Variants in RASEF observed in about 807,000 individuals in gnomAD.
The protein encoded by RASEF is ras and EF-hand domain-containing protein.
RASEF carries 68 observed loss-of-function variants against 90.1 expected under a neutral mutation model. The observed-to-expected ratio is 0.75, with a 90% CI of 0.62 to 0.92. The LOEUF is 0.92. Among genes scored for constraint, RASEF ranks in the 40% least tolerant of loss-of-function variants. The pLI is 0.00. For synonymous variants in RASEF, 331 were observed against 345.2 expected (o/e 0.96, Z 0.46); for missense variants, 949 against 937.2 (o/e 1.01, Z -0.16).
At chr9:83,127,604 GGCGGGAACA>G in the RASEF span, among the ~76,000 whole-genome samples, 1 of 152,168 alleles carries the variant, frequency 6.6e-6, no homozygotes, top group African/African-American at 2.4e-5. Context: ...AAAAAGAAAT[GGCGGGAACA>G]AAAACAAAAC....
In RASEF at chr9:82,997,135, G is replaced by C. The variant is rs781380395; in HGVS notation, c.1806-9C>G. 2 of 1,530,968 alleles carry C rather than the reference G, an allele frequency of 1.3e-6. No homozygotes were observed. Among genetic ancestry groups the C allele is most frequent in the Non-Finnish European group, 9.1e-7 (1 of 1,104,446 alleles). The allele number at this position is 1,530,968 out of a possible 1,614,324, so 94.8% of individuals were successfully genotyped here. A position where few individuals can be genotyped will look rare whatever the true frequency, so the allele number is the denominator to read the frequency against. The stretch of plus-strand genomic sequence containing the variant: ...TGGCAATACTTCTGAATCTGAGAAA[G>C]AGAAAACCACATCATCAGTCAGTTT... On this transcript the variant is annotated splice_polypyrimidine_tract_variant and intron_variant, in intron 13 of 16. Transcript: ENST00000376447.
chr9:83,116,907 A>T, the RASEF span, among the ~76,000 whole-genome samples: 2 of 152,194 alleles, frequency 1.3e-5, no homozygotes, highest in African/African-American at 2.4e-5. Context: ...ACTTTCGTTC[A>T]TCTAGCAGAA....
the RASEF span, among the ~76,000 whole-genome samples, chr9:83,188,387 T>C: frequency 2.6e-5 from 4 of 152,244 alleles, no homozygotes; most frequent in African/African-American, 9.6e-5. Flanking sequence ...ATTTCAAATA[T>C]TGTTTTGTCT....
the RASEF span, among the ~76,000 whole-genome samples, chr9:83,093,607 G>A: frequency 6.6e-6 from 1 of 152,318 alleles, no homozygotes; most frequent in African/African-American, 2.4e-5. Flanking sequence ...CGAGTGTGGG[G>A]CCCGCCAAGC....
the RASEF span, among the ~76,000 whole-genome samples, chr9:83,191,383 T>C: frequency 6.6e-6 from 1 of 152,184 alleles, no homozygotes. Flanking sequence ...CCAATTACAA[T>C]GCCCTAAGGA....
At chr9:83,089,892 TGATAGATAGATAGATAGATA>T in the RASEF span, among the ~76,000 whole-genome samples, 1,179 of 145,072 alleles carry the variant, frequency 8.1e-3, 7 homozygotes, top group South Asian at 0.018. Flanking sequence ...TATAGATAGA[TGATAGATAGATAGATAGATA>T]GATAGATAGA....
In RASEF at chr9:83,062,764, G is replaced by A; in HGVS notation, c.104C>T (p.Ala35Val). 6.4e-7 allele frequency: 1 copy of A among 1,562,508 alleles called. No individual in the cohort carries two copies. The highest frequency in any genetic ancestry group is 8.6e-7 in the Non-Finnish European group (1 of 1,163,522). The change falls in exon 1 of 17, where the codon GCA becomes GTA. Residue 35 changes from alanine to valine, a missense_variant. Ala to Val is a moderately conservative substitution (Grantham distance 64). Transcript: ENST00000376447. Reference protein sequence around the residue: ...SGRLEREEFRALCTELRVRPA... With the variant: ...SGRLEREEFRVLCTELRVRPA... The stretch of plus-strand genomic sequence containing the variant: ...CCGCACCCGCAGCTCCGTGCACAGT[G>A]CCCGGAACTCCTCGCGCTCCAGGCG...
At chr9:82,983,706 T>C (rs922319393) in intron 16 of RASEF, among the ~76,000 whole-genome samples, 7 of 152,222 alleles carry the variant, frequency 4.6e-5, no homozygotes, top group African/African-American at 1.7e-4. Flanking sequence ...AATGGTATTC[T>C]GTGGCTTCTA....
chr9:83,180,894 T>A, the RASEF span, among the ~76,000 whole-genome samples: 1 of 151,766 alleles, frequency 6.6e-6, no homozygotes, highest in Non-Finnish European at 1.5e-5. Flanking sequence ...TTAAAAAAAA[T>A]TAAAGTATGC....
the RASEF span, among the ~76,000 whole-genome samples, chr9:83,185,643 C>T: frequency 2.0e-5 from 3 of 152,096 alleles, no homozygotes; most frequent in Admixed American, 1.3e-4. Context: ...CCCCAAAACA[C>T]AATGAGTCTC....
intron 1 of RASEF, 84 bp from the exon 2 acceptor site, chr9:83,026,005 A>C: frequency 9.9e-7 from 1 of 1,011,366 alleles, no homozygotes; most frequent in Non-Finnish European, 1.4e-6. Flanking sequence ...AGAGAAACAT[A>C]AATGAAGAAC....
chr9:83,142,867 A>G, the RASEF span, among the ~76,000 whole-genome samples: 3 of 150,790 alleles, frequency 2.0e-5, no homozygotes, highest in Admixed American at 2.0e-4. Flanking sequence ...CTTTCTTCAA[A>G]TAGAATTCTC....
chr9:83,062,665 G>A lies in RASEF; in HGVS notation c.203C>T (p.Ala68Val), dbSNP rs774860690. The change falls in exon 1 of 17, where the codon GCG becomes GTG. Residue 68 changes from alanine (A) to valine (V), a missense_variant. Transcript: ENST00000376447. The part of the protein sequence containing the change: ...RDGAITFQEF[A>V]RGFLGSLRGG... ...GCGGAGGGACCCGAGGAAGCCACGCGCGAACTCCTGGAAGGTGATGGCGCC... is the reference window on the plus strand; with the variant it reads ...GCGGAGGGACCCGAGGAAGCCACGCACGAACTCCTGGAAGGTGATGGCGCC... The A allele has an allele frequency of 1.6e-5, 25 of 1,571,480 alleles. No homozygotes were observed. The highest frequency in any genetic ancestry group is 8.9e-5 in the Admixed American group (5 of 56,200).
upstream of RASEF, chr9:83,063,174 C>G (rs900852327): frequency 5.4e-6 from 2 of 371,072 alleles, no homozygotes; most frequent in African/African-American, 4.2e-5. Context: ...GCTCTCGCCA[C>G]TTTCCCGGCG....
chr9:83,111,680 ATT>A, the RASEF span, among the ~76,000 whole-genome samples: 8 of 151,046 alleles, frequency 5.3e-5, no homozygotes, highest in Non-Finnish European at 1.2e-4. Context: ...TACAATTGTC[ATT>A]TTTTTTTGTG....
the RASEF span, among the ~76,000 whole-genome samples, chr9:83,168,660 A>G: frequency 6.6e-6 from 1 of 152,210 alleles, no homozygotes; most frequent in South Asian, 2.1e-4. Flanking sequence ...GAAGATCTGA[A>G]TAGATATTTC....
At chr9:83,005,541 G>T in intron 7 of RASEF, 41 bp from the exon 8 acceptor site, 1 of 1,399,988 alleles carries the variant, frequency 7.1e-7, no homozygotes. Flanking sequence ...GACAAGGAAA[G>T]TATCATTGGG....
At chr9:83,123,037 G>A in the RASEF span, among the ~76,000 whole-genome samples, 5 of 152,118 alleles carry the variant, frequency 3.3e-5, no homozygotes, top group East Asian at 3.9e-4. Flanking sequence ...TCAGGAGTTC[G>A]AGATCAGCCT....
At chr9:83,194,773 C>G in the RASEF span, among the ~76,000 whole-genome samples, 1,428 of 152,294 alleles carry the variant, frequency 9.4e-3, 24 homozygotes, top group African/African-American at 0.033. Flanking sequence ...TATAACCTAG[C>G]ACTACATTAT....
Sources: allele counts gnomAD v4.1 joint callset (sites outside exome capture counted in the v4.1 genomes callset), GRCh38; gene constraint gnomAD v4.1.1; transcripts MANE v1.5; gene names NCBI Gene and HGNC (gene_info 2026-07-23, HGNC 2026-07-21).